Variants in PHC3 observed in about 807,000 individuals in gnomAD.
PHC3 encodes the protein polyhomeotic homolog 3.
Under a neutral mutation model 107.4 loss-of-function variants are expected in PHC3, and 13 were observed. The ratio of observed to expected loss-of-function variants is 0.12; its 90% confidence interval spans 0.08 to 0.19. The LOEUF is 0.19. Ranked by LOEUF, PHC3 falls within the 10% of genes least tolerant of loss-of-function variation. The pLI is 1.00. For missense variants in PHC3, 992 were observed against 1,210.9 expected (o/e 0.82, Z 2.68); for synonymous variants, 456 against 427.4 (o/e 1.07, Z -0.83).
At chr3:170,163,174 A>T (rs914116101) in intron 4 of PHC3, among the ~76,000 whole-genome samples, 2 of 152,188 alleles carry the variant, frequency 1.3e-5, no homozygotes, top group African/African-American at 4.8e-5. Flanking sequence ...TGATGACTGA[A>T]TGAGTGAATG....
At chr3:170,099,149 T>C (rs1394382443) in intron 14 of PHC3, among the ~76,000 whole-genome samples, 3 of 152,226 alleles carry the variant, frequency 2.0e-5, no homozygotes, top group African/African-American at 7.2e-5. Context: ...CATTTGGGAA[T>C]AGAAACAAGG....
Position 170,113,432 on chromosome 3 carries a change from G to A in PHC3, c.2281C>T (p.Pro761Ser). The A allele has an allele frequency of 1.2e-6, 2 of 1,613,054 alleles. No individual in the cohort carries two copies. Among genetic ancestry groups the A allele is most frequent in the Non-Finnish European group, 1.7e-6 (2 of 1,179,460 alleles). Residue 761 changes from proline (P) to serine (S), a missense_variant, in exon 11 of 15, where the codon CCA becomes TCA. Pro to Ser is a moderately conservative substitution (Grantham distance 74). Transcript: ENST00000495893. Reference protein sequence around the residue: ...NQVINSVCVQPELQNNTKHAD... With the variant: ...NQVINSVCVQSELQNNTKHAD... The stretch of plus-strand genomic sequence containing the variant: ...TGTTTTGTATTATTCTGTAGCTCTG[G>A]CTGAACACACACTGAATTTATCACC...
chr3:170,173,085 G>C (rs576804761), intron 2 of PHC3, among the ~76,000 whole-genome samples: 3 of 151,812 alleles, frequency 2.0e-5, no homozygotes, highest in Admixed American at 6.6e-5. Flanking sequence ...CCAGCTACTC[G>C]GGAGGCTGAG....
intron 6 of PHC3, among the ~76,000 whole-genome samples, chr3:170,137,557 G>C (rs926364790): frequency 2.6e-5 from 4 of 152,172 alleles, no homozygotes; most frequent in African/African-American, 9.7e-5. Flanking sequence ...TCAAGCAAAT[G>C]ATATACTGCT....
At chr3:170,126,877 C>T in intron 8 of PHC3, among the ~76,000 whole-genome samples, 1 of 151,840 alleles carries the variant, frequency 6.6e-6, no homozygotes. Context: ...TCTATAGCTT[C>T]CCCTAACATA....
chr3:170,131,799 T>C (rs528832230), intron 7 of PHC3, among the ~76,000 whole-genome samples: 58 of 152,290 alleles, frequency 3.8e-4, no homozygotes, highest in African/African-American at 1.3e-3. Context: ...ATCGTGCCAT[T>C]GCACTCCAGC....
intron 8 of PHC3, 63 bp from the exon 9 acceptor site, chr3:170,122,807 A>C (rs1720604694): frequency 6.5e-7 from 1 of 1,540,264 alleles, no homozygotes. Flanking sequence ...AGGTGTTCTT[A>C]ATTTCAGAAA....
At chr3:170,133,028 A>G (rs1722507427) in intron 7 of PHC3, among the ~76,000 whole-genome samples, 1 of 152,250 alleles carries the variant, frequency 6.6e-6, no homozygotes, top group Non-Finnish European at 1.5e-5. Flanking sequence ...TACATATAAG[A>G]AAACAATAAC....
At chr3:170,134,386 C>T (rs966839907) in intron 7 of PHC3, among the ~76,000 whole-genome samples, 1 of 151,976 alleles carries the variant, frequency 6.6e-6, no homozygotes, top group Non-Finnish European at 1.5e-5. Flanking sequence ...GACGGGGTTT[C>T]ACCATGTTGG....
Position 170,129,362 on chromosome 3 carries a change from A to T in PHC3, c.1110T>A (p.His370Gln), listed in dbSNP as rs1201253810. The T allele has an allele frequency of 6.2e-7, 1 of 1,613,712 alleles. No individual in the cohort carries two copies. Among genetic ancestry groups the T allele is most frequent in the South Asian group, 1.1e-5 (1 of 91,080 alleles). ...CATTACTGGGAGCTGGAGGAAGGCC[A>T]TGGTTCTGGAGTGGTATACAGTGCT... ...PSQHCIPLQN[H>Q]GLPPAPSNAQ... is the part of the protein sequence containing the mutation. Residue 370 changes from histidine to glutamine, a missense_variant, in exon 8 of 15, where the codon CAT (histidine) becomes CAA (glutamine). His to Gln is a conservative substitution (Grantham distance 24). Coordinates refer to ENST00000495893, the MANE Select transcript of PHC3 (RefSeq NM_024947.4).
chr3:170,129,295 G>A lies in PHC3; in HGVS notation c.1177C>T (p.Pro393Ser). Residue 393 changes from proline to serine, a missense_variant, in exon 8 of 15, where the codon CCT becomes TCT. Around this residue, in one of 6 missense-constraint regions of PHC3, gnomAD observed 543 missense variants for 590.8 expected, o/e 0.92. Coordinates refer to ENST00000495893, the MANE Select transcript of PHC3 (RefSeq NM_024947.4). ...HCSPIQSHPS[P>S]LTVSPNQSQS... The stretch of plus-strand genomic sequence containing the variant: ...GACTGATTAGGAGACACTGTTAAAG[G>A]AGAGGGATGACTCTGAATCGGTGAA... The A allele has an allele frequency of 1.2e-6, 2 of 1,614,002 alleles. No homozygotes were observed. Among genetic ancestry groups the A allele is most frequent in the Non-Finnish European group, 1.7e-6 (2 of 1,179,886 alleles).
In PHC3 at chr3:170,094,132, C is replaced by G. The variant is rs1026407644; in HGVS notation, c.*3098G>C. 1.3e-5 allele frequency: 2 copies of G among 152,144 alleles called. No homozygotes were observed. The highest frequency in any genetic ancestry group is 2.9e-5 in the Non-Finnish European group (2 of 68,018). 9.4% of individuals were successfully genotyped at this position (152,144 alleles called of 1,614,324 possible). A position where few individuals can be genotyped will look rare whatever the true frequency, so the allele number is the denominator to read the frequency against. ...TTCAACAGCAAAGTAACAGGACCATCAGGGAAATAATATGCTACTTAAAAA... is the reference window on the plus strand; with the variant it reads ...TTCAACAGCAAAGTAACAGGACCATGAGGGAAATAATATGCTACTTAAAAA... On this transcript the variant is annotated 3_prime_UTR_variant, in exon 15 of 15. Transcript: ENST00000495893.
chr3:170,105,053 C>T (rs1716220126), intron 12 of PHC3, among the ~76,000 whole-genome samples: 1 of 152,196 alleles, frequency 6.6e-6, no homozygotes, highest in Non-Finnish European at 1.5e-5. Flanking sequence ...AGGGCCCCTA[C>T]CCTGCTAAAG....
intron 8 of PHC3, among the ~76,000 whole-genome samples, chr3:170,125,590 TTC>T (rs1160108854): frequency 2.0e-5 from 3 of 152,156 alleles, no homozygotes; most frequent in African/African-American, 4.8e-5. Context: ...ATACATAGAA[TTC>T]TGATTTTTAA....
intron 11 of PHC3, among the ~76,000 whole-genome samples, chr3:170,108,876 A>C (rs1257921253): frequency 6.6e-6 from 1 of 152,198 alleles, no homozygotes. Flanking sequence ...AATGTCCAAC[A>C]CCTGATATTA....
Position 170,093,886 on chromosome 3 carries a change from A to G in PHC3, c.*3344T>C, listed in dbSNP as rs954158578. ...AAAAATCAACTGGGATCCCTAATGA[A>G]AGAAAATTATTTCTTCTAAGTAAAA... On this transcript the variant is annotated 3_prime_UTR_variant, in exon 15 of 15. Coordinates refer to ENST00000495893, the MANE Select transcript of PHC3 (RefSeq NM_024947.4). 6.6e-6 allele frequency: 1 copy of G among 152,194 alleles called. No homozygotes were observed. 9.4% of individuals were successfully genotyped at this position (152,194 alleles called of 1,614,324 possible). A position where few individuals can be genotyped will look rare whatever the true frequency, so the allele number is the denominator to read the frequency against.
Position 170,102,828 on chromosome 3 carries a change from C to G in PHC3, c.2575G>C (p.Ala859Pro). ...RGRRPSGPDGAAREHILRQLP... is the reference protein window; with the variant it reads ...RGRRPSGPDGPAREHILRQLP... Reference sequence around the variant, plus strand: ...TGCCTAAGGATATGTTCTCTCGCTGCCCCATCAGGGCCACTTGGACGACGG... The same window carrying G: ...TGCCTAAGGATATGTTCTCTCGCTGGCCCATCAGGGCCACTTGGACGACGG... Residue 859 changes from alanine (A) to proline (P), a missense_variant, in exon 13 of 15, where the codon GCA (alanine) becomes CCA (proline). Ala to Pro is a conservative substitution (Grantham distance 27). This residue lies in a region of PHC3 where 228 missense variants were observed against 288.8 expected (regional missense o/e 0.79). Transcript: ENST00000495893. 1 of 1,613,964 alleles carries G rather than the reference C, an allele frequency of 6.2e-7. No homozygotes were observed. Among genetic ancestry groups the G allele is most frequent in the Non-Finnish European group, 8.5e-7 (1 of 1,179,872 alleles).
chr3:170,151,939 T>G (rs1193528234), intron 4 of PHC3, among the ~76,000 whole-genome samples: 2 of 152,190 alleles, frequency 1.3e-5, no homozygotes, highest in Non-Finnish European at 2.9e-5. Flanking sequence ...AGGACCTCTC[T>G]GTACTAGTTT....
intron 2 of PHC3, among the ~76,000 whole-genome samples, chr3:170,178,199 T>C (rs1302467612): frequency 6.6e-6 from 1 of 150,552 alleles, no homozygotes; most frequent in Non-Finnish European, 1.5e-5. Flanking sequence ...GCGGGAGTGC[T>C]GTGGCGCGAT....
Sources: gnomAD v4.1 joint callset for allele counts (sites outside exome capture counted in the v4.1 genomes callset) on GRCh38, gnomAD v4.1.1 for gene constraint, gnomAD v4.1.1 regional missense constraint, MANE v1.5 for transcripts, NCBI Gene and HGNC (gene_info 2026-07-23, HGNC 2026-07-21) for gene names.